ZC3H13: variants seen among roughly 807,000 people sequenced by gnomAD.
ZC3H13 encodes the protein zinc finger CCCH domain-containing protein 13.
ZC3H13 carries 64 observed loss-of-function variants against 204.1 expected under a neutral mutation model. The ratio of observed to expected loss-of-function variants is 0.31; its 90% CI spans 0.26 to 0.39. The LOEUF (loss-of-function observed/expected upper bound fraction) is 0.39, where lower values mean the gene tolerates loss of function less well. ZC3H13 is among the 10% of genes least tolerant of loss of function. The pLI, the probability that ZC3H13 is intolerant of heterozygous loss-of-function variation, is 1.00. For missense variants in ZC3H13, 1,833 were observed against 2,082.7 expected (o/e 0.88, Z 2.33); for synonymous variants, 667 against 693.7 (o/e 0.96, Z 0.60).
chr13:45,957,077 T>C lies in ZC3H13; in HGVS notation c.*50A>G, dbSNP rs1456820773. The C allele has an allele frequency of 2.3e-6, 3 of 1,325,422 alleles. No individual in the cohort carries two copies. The highest frequency in any genetic ancestry group is 3.3e-5 in the Admixed American group (1 of 30,730). The allele number at this position is 1,325,422 out of a possible 1,614,324, so 82.1% of individuals were successfully genotyped here. A position where few individuals can be genotyped will look rare whatever the true frequency, so the allele number is the denominator to read the frequency against. On this transcript the variant is annotated 3_prime_UTR_variant, in exon 19 of 19. Coordinates refer to ENST00000679008, the MANE Select transcript of ZC3H13 (RefSeq NM_001330564.2). The stretch of plus-strand genomic sequence containing the variant: ...AACCAAAGAACTTTGCAAAAGAATA[T>C]GCACTGCTGAAGGAAGACAGTACCA...
intron 8 of ZC3H13, among the ~76,000 whole-genome samples, 179 bp downstream of exon 8, chr13:46,002,960 C>T (rs1490928868): frequency 1.3e-5 from 2 of 151,826 alleles, no homozygotes; most frequent in Non-Finnish European, 2.9e-5. Flanking sequence ...AAAATTAAGG[C>T]TTACTGAATT....
intron 8 of ZC3H13, among the ~76,000 whole-genome samples, chr13:45,994,005 CAG>C (rs1389240970): frequency 6.6e-6 from 1 of 152,220 alleles, no homozygotes; most frequent in Non-Finnish European, 1.5e-5. Context: ...TTGAACAACA[CAG>C]GGTCCACACT....
chr13:45,982,506 T>TA (rs981992785), intron 10 of ZC3H13, among the ~76,000 whole-genome samples: 33 of 151,492 alleles, frequency 2.2e-4, no homozygotes, highest in East Asian at 7.7e-4. Context: ...GAGTTACATT[T>TA]AAAAAAAAAT....
rs1951279111 is a variant in ZC3H13 at position 45,956,448 on chromosome 13, G to C, written c.*679C>G. 6.6e-6 allele frequency: 1 copy of C among 151,986 alleles called. No homozygotes were observed. Among genetic ancestry groups the C allele is most frequent in the African/African-American group, 2.4e-5 (1 of 41,388 alleles). The allele number at this position is 151,986 out of a possible 1,614,324, so 9.4% of individuals were successfully genotyped here. A position where few individuals can be genotyped will look rare whatever the true frequency, so the allele number is the denominator to read the frequency against. ...AAGAGCAAAGTAAATCTAAAACAAG[G>C]AAAGGGAAGATACATTTATTAAAAA... On this transcript the variant is annotated 3_prime_UTR_variant, in exon 19 of 19. Coordinates refer to ENST00000679008, the MANE Select transcript of ZC3H13 (RefSeq NM_001330564.2).
intron 15 of ZC3H13, among the ~76,000 whole-genome samples, 184 bp downstream of exon 15, chr13:45,967,320 T>TAAAA (rs1952175179): frequency 1.3e-5 from 2 of 152,124 alleles, no homozygotes; most frequent in Non-Finnish European, 2.9e-5. Flanking sequence ...GGGACCACAT[T>TAAAA]AAAAAAATAT....
chr13:46,018,031 T>C (rs1432476416), intron 5 of ZC3H13, among the ~76,000 whole-genome samples: 1 of 152,118 alleles, frequency 6.6e-6, no homozygotes, highest in Non-Finnish European at 1.5e-5. Flanking sequence ...GTGCAAATCC[T>C]TGGGAATCAA....
In ZC3H13 at chr13:46,011,532, A is replaced by G; in HGVS notation, c.471T>C (p.Asn157=). 6.3e-7 allele frequency: 1 copy of G among 1,588,712 alleles called. No individual in the cohort carries two copies. Among genetic ancestry groups the G allele is most frequent in the Non-Finnish European group, 8.6e-7 (1 of 1,167,930 alleles). Residue 157 remains asparagine (N), a synonymous_variant, in exon 6 of 19, where the codon AAT becomes AAC. Coordinates refer to ENST00000679008, the MANE Select transcript of ZC3H13 (RefSeq NM_001330564.2). ...NRDDSDNGDI[N]YDYVHELSLE... ...ATGACAATTCATGAACATAATCATA[A>G]TTAATATCTCCATTGTCAGAATCTT...
chr13:46,019,275 C>A (rs1045451860), intron 5 of ZC3H13, among the ~76,000 whole-genome samples: 9 of 152,060 alleles, frequency 5.9e-5, no homozygotes, highest in Non-Finnish European at 7.4e-5. Context: ...CATAAAGACT[C>A]GACTTGGCCA....
intron 1 of ZC3H13, among the ~76,000 whole-genome samples, chr13:46,049,206 T>C (rs756150486): frequency 1.3e-4 from 19 of 149,208 alleles, no homozygotes; most frequent in Middle Eastern, 3.2e-3. Flanking sequence ...AAGAGTACCA[T>C]ACTTTGTCCT....
At chr13:46,044,155 C>A (rs4942468) in intron 3 of ZC3H13, among the ~76,000 whole-genome samples, 115,665 of 149,894 alleles carry the variant, frequency 0.77, 44,966 homozygotes, top group African/African-American at 0.86. Context: ...ACACTACCCC[C>A]AAAAAAATCA....
intron 4 of ZC3H13, among the ~76,000 whole-genome samples, chr13:46,029,066 T>A (rs1218466023): frequency 6.6e-6 from 1 of 151,734 alleles, no homozygotes; most frequent in African/African-American, 2.4e-5. Flanking sequence ...CCAGGCTAAT[T>A]AAGAAAAAAA....
chr13:45,963,773 C>G (rs1442034970), intron 17 of ZC3H13, 69 bp downstream of exon 17: 25 of 1,600,788 alleles, frequency 1.6e-5, no homozygotes, highest in Non-Finnish European at 2.0e-5. Context: ...AAGAACAGAT[C>G]AGAATCCCCT....
At chr13:46,040,374 G>T (rs1230765394) in intron 4 of ZC3H13, among the ~76,000 whole-genome samples, 2 of 151,962 alleles carry the variant, frequency 1.3e-5, no homozygotes, top group African/African-American at 4.8e-5. Context: ...TATAATAGAG[G>T]ACAACTGGAT....
intron 4 of ZC3H13, among the ~76,000 whole-genome samples, chr13:46,035,089 GTGTGCCAGTGTGCA>G (rs1276437342): frequency 1.3e-5 from 2 of 152,164 alleles, no homozygotes; most frequent in Non-Finnish European, 2.9e-5. Flanking sequence ...CCCTTGCTGT[GTGTGCCAGTGTGCA>G]TGTGTCTCAG....
In ZC3H13 at chr13:46,020,511, A is replaced by G; in HGVS notation, c.386T>C (p.Ile129Thr). 6.2e-7 allele frequency: 1 copy of G among 1,611,714 alleles called. No individual in the cohort carries two copies. The highest frequency in any genetic ancestry group is 8.5e-7 in the Non-Finnish European group (1 of 1,178,930). Residue 129 changes from isoleucine to threonine, a missense_variant, in exon 5 of 19, where the codon ATC becomes ACC. Ile to Thr is a moderately conservative substitution (Grantham distance 89). Transcript: ENST00000679008. ...ACTTTCTGGAGTTCTTTCCTTAGTG[A>G]TTTTTATGTCTTCCTTTTCCCTATG... is the stretch of plus-strand genomic sequence containing the variant. ...GRHREKEDIK[I>T]TKERTPESEE...
At chr13:45,983,226 A>C (rs933350619) in intron 10 of ZC3H13, among the ~76,000 whole-genome samples, 1 of 151,526 alleles carries the variant, frequency 6.6e-6, no homozygotes, top group African/African-American at 2.4e-5. Context: ...TAACAAATAC[A>C]TATCCCAAAG....
At chr13:46,042,543 G>A (rs377479661) in intron 3 of ZC3H13, among the ~76,000 whole-genome samples, 1 of 152,066 alleles carries the variant, frequency 6.6e-6, no homozygotes, top group Non-Finnish European at 1.5e-5. Context: ...AGGTACTGGT[G>A]ATGTGAATAA....
rs774554070 is a variant in ZC3H13 at position 46,045,462 on chromosome 13, T to C, written c.46A>G (p.Ile16Val). The change falls in exon 2 of 19, where the codon ATA becomes GTA. Residue 16 changes from isoleucine to valine, a missense_variant. This residue lies in a region of ZC3H13 where 24 missense variants were observed against 27.6 expected (regional missense o/e 0.87). Coordinates refer to ENST00000679008, the MANE Select transcript of ZC3H13 (RefSeq NM_001330564.2). The part of the protein sequence containing the change: ...RKVTVENTKT[I>V]SDSTSRRPSV... Reference sequence around the variant, plus strand: ...GGTCTTCGGGATGTGCTATCAGATATAGTCTTGGTATTTTCCACTGTGACC... The same window carrying C: ...GGTCTTCGGGATGTGCTATCAGATACAGTCTTGGTATTTTCCACTGTGACC... The C allele has an allele frequency of 1.8e-5, 29 of 1,613,998 alleles. No homozygotes were observed. In the African/African-American group the frequency reaches 1.9e-4, roughly 10 times the overall value.
rs1336044643 is a variant in ZC3H13 at position 46,045,015 on chromosome 13, G to C, written c.167C>G (p.Thr56Arg). ...LKTGNCLYGN[T>R]CRFVHGPSPR... Reference sequence around the variant, plus strand: ...TGAAGGGCCATGTACGAATCTACATGTGTTTCCATAGAGGCAGTTGCCAGT... The same window carrying C: ...TGAAGGGCCATGTACGAATCTACATCTGTTTCCATAGAGGCAGTTGCCAGT... The change falls in exon 3 of 19, where the codon ACA (threonine) becomes AGA (arginine). Residue 56 changes from threonine to arginine, a missense_variant. By Grantham distance (71) the Thr-to-Arg change is moderately conservative. Around this residue, in one of 5 missense-constraint regions of ZC3H13, gnomAD observed 18 missense variants for 46.0 expected, o/e 0.39. Coordinates refer to ENST00000679008, the MANE Select transcript of ZC3H13 (RefSeq NM_001330564.2). 6.2e-7 allele frequency: 1 copy of C among 1,613,496 alleles called. No individual in the cohort carries two copies. Among genetic ancestry groups the C allele is most frequent in the Non-Finnish European group, 8.5e-7 (1 of 1,179,752 alleles).
Sources: allele counts gnomAD v4.1 joint callset (sites outside exome capture counted in the v4.1 genomes callset), GRCh38; gene constraint gnomAD v4.1.1; regional missense constraint gnomAD v4.1.1; transcripts MANE v1.5; gene names NCBI Gene and HGNC (gene_info 2026-07-23, HGNC 2026-07-21).